Variants in CSMD2 observed in about 807,000 individuals in gnomAD.
CSMD2 encodes CUB and Sushi multiple domains 2, also known as CUB and sushi domain-containing protein 2.
CSMD2 carries 130 observed loss-of-function variants against 398.5 expected under a neutral mutation model. The ratio of observed to expected loss-of-function variants is 0.33; its 90% confidence interval spans 0.28 to 0.38. The LOEUF is 0.38. Ranked by LOEUF, CSMD2 falls within the 10% of genes least tolerant of loss-of-function variation. The pLI is 1.00. For synonymous variants in CSMD2, 1,828 were observed against 1,908.5 expected, an observed-to-expected ratio of 0.96 and a Z score of 1.10; for missense variants, 3,829 against 4,764.9, an observed-to-expected ratio of 0.80 and a Z score of 5.78.
At chr1:33,578,308 G>T (rs954129572) in intron 48 of CSMD2, among the ~76,000 whole-genome samples, 2 of 152,098 alleles carry the variant, frequency 1.3e-5, no homozygotes. Context: ...ACCCTGGCCT[G>T]GGCTCACGCC....
intron 3 of CSMD2, among the ~76,000 whole-genome samples, chr1:33,983,010 C>G (rs1230255924): frequency 2.0e-5 from 3 of 152,094 alleles, no homozygotes; most frequent in Non-Finnish European, 4.4e-5. Flanking sequence ...AGGGTGTGAG[C>G]AGAGACCTGC....
At chr1:33,774,818 G>A (rs950526339) in intron 12 of CSMD2, among the ~76,000 whole-genome samples, 4 of 152,078 alleles carry the variant, frequency 2.6e-5, no homozygotes, top group East Asian at 3.9e-4. Context: ...ACAGCCCTGC[G>A]CACATGCCCA....
intron 56 of CSMD2, among the ~76,000 whole-genome samples, chr1:33,549,399 A>G (rs937514283): frequency 6.6e-6 from 1 of 152,248 alleles, no homozygotes; most frequent in Admixed American, 6.5e-5. Flanking sequence ...TCCCCCTCAA[A>G]GAAGACAAAG....
chr1:33,583,661 A>T lies in CSMD2; in HGVS notation c.7221T>A (p.Asp2407Glu). The change falls in exon 47 of 71, where the codon GAT (aspartate) becomes GAA (glutamate). Residue 2407 changes from aspartate to glutamate, a missense_variant. Around this residue, in one of 5 missense-constraint regions of CSMD2, gnomAD observed 723 missense variants for 758.6 expected, o/e 0.95. Transcript: ENST00000373381. Reference sequence around the variant, plus strand: ...ACTTACCATCAAAAATCTCAAACTCATCATATTGCTTCTCGCTGAGGAAGT... The same window carrying T: ...ACTTACCATCAAAAATCTCAAACTCTTCATATTGCTTCTCGCTGAGGAAGT... ...VEYFLSEKQYDEFEIFDGPSG... is the reference protein window; with the variant it reads ...VEYFLSEKQYEEFEIFDGPSG... 6.2e-7 allele frequency: 1 copy of T among 1,614,050 alleles called. No individual in the cohort carries two copies. The highest frequency in any genetic ancestry group is 8.5e-7 in the Non-Finnish European group (1 of 1,179,986).
At chr1:34,114,666 C>T (rs1661434500) in intron 1 of CSMD2, among the ~76,000 whole-genome samples, 1 of 152,062 alleles carries the variant, frequency 6.6e-6, no homozygotes, top group Non-Finnish European at 1.5e-5. Context: ...CCACTCCATT[C>T]CAGCCTGGGA....
chr1:33,746,435 G>A (rs1367277115), intron 13 of CSMD2, among the ~76,000 whole-genome samples: 1 of 152,100 alleles, frequency 6.6e-6, no homozygotes, highest in Admixed American at 6.6e-5. Flanking sequence ...TGCTGCAGAG[G>A]ACTATTTAAT....
At chr1:33,540,459 C>G (rs765545578) in intron 60 of CSMD2, 66 bp downstream of exon 60, 33 of 1,561,970 alleles carry the variant, frequency 2.1e-5, no homozygotes, top group Non-Finnish European at 2.7e-5. Flanking sequence ...AGCCACAAAG[C>G]TCCGAGGAGG....
chr1:33,838,761 G>C (rs1570214427), intron 6 of CSMD2: 2 of 152,434 alleles, frequency 1.3e-5, no homozygotes, highest in East Asian at 3.9e-4. Context: ...TGTGTCTGTT[G>C]CGGGTCAATT....
Position 33,563,683 on chromosome 1 carries a change from G to C in CSMD2, c.8380+3910C>G, listed in dbSNP as rs79757493. ...ATGTCTCATCTGAATTTTGAACCCA[G>C]CTTCTCTGATTCCAGGCCATCTTAA... On this transcript the variant is annotated intron_variant, in intron 53 of 70. Coordinates refer to ENST00000373381, the MANE Select transcript of CSMD2 (RefSeq NM_001281956.2). Among the ~76,000 whole-genome samples the C allele has an allele frequency of 8.5e-3, 1,295 of 152,136 alleles. 21 individuals are homozygous for C. Among genetic ancestry groups the C allele is most frequent in the African/African-American group, 0.029 (1,207 of 41,420 alleles).
intron 25 of CSMD2, among the ~76,000 whole-genome samples, chr1:33,688,407 G>A (rs1645125752): frequency 6.6e-6 from 1 of 152,210 alleles, no homozygotes; most frequent in South Asian, 2.1e-4. Context: ...AAAAGAATAA[G>A]TAGAGCAGAC....
intron 3 of CSMD2, among the ~76,000 whole-genome samples, chr1:33,976,974 G>A (rs1024732627): frequency 4.6e-5 from 7 of 152,072 alleles, no homozygotes; most frequent in Non-Finnish European, 8.8e-5. Context: ...ATGGGGGAGG[G>A]TGTAGGGGAA....
intron 13 of CSMD2, among the ~76,000 whole-genome samples, chr1:33,757,227 C>T (rs1649163069): frequency 6.6e-6 from 1 of 152,008 alleles, no homozygotes; most frequent in Non-Finnish European, 1.5e-5. Context: ...TTAATGGGTG[C>T]AGCACACCAG....
At chr1:33,652,214 G>T in intron 28 of CSMD2, 109 bp downstream of exon 28, 1 of 1,134,342 alleles carries the variant, frequency 8.8e-7, no homozygotes, top group Non-Finnish European at 1.3e-6. Context: ...CACCTCCCTG[G>T]AGCTGAGAAC....
At chr1:33,832,076 C>T (rs1247361578) in intron 6 of CSMD2, among the ~76,000 whole-genome samples, 8 of 143,022 alleles carry the variant, frequency 5.6e-5, no homozygotes, top group Non-Finnish European at 1.2e-4. Flanking sequence ...GACTTTAACA[C>T]CCCACTGTCA....
In CSMD2 at chr1:33,724,352, G is replaced by A. The variant is rs1232772020; in HGVS notation, c.2885-39C>T. ...GAAGAGGGCAGTGAAAGACCAGAGG[G>A]CCTCAGGGAGCACCCCCGTCATCCT... On this transcript the variant is annotated intron_variant, in intron 18 of 70. Transcript: ENST00000373381. The A allele has an allele frequency of 2.6e-6, 4 of 1,533,750 alleles. No homozygotes were observed. The African/African-American group carries it at 5.5e-5, about 21-fold the overall frequency.
At chr1:33,920,316 GTCAGGAGT>G (rs1192339867) in intron 4 of CSMD2, among the ~76,000 whole-genome samples, 1 of 151,026 alleles carries the variant, frequency 6.6e-6, no homozygotes, top group Non-Finnish European at 1.5e-5. Flanking sequence ...ATCAACTGAG[GTCAGGAGT>G]TCAATACCAG....
At chr1:33,714,850 GCAA>G in intron 20 of CSMD2, 75 bp from the exon 21 acceptor site, 1 of 1,439,802 alleles carries the variant, frequency 6.9e-7, no homozygotes, top group South Asian at 1.2e-5. Flanking sequence ...GAACGCACAG[GCAA>G]AACACCAGGG....
intron 10 of CSMD2, among the ~76,000 whole-genome samples, chr1:33,793,968 T>A (rs1288864667): frequency 6.6e-6 from 1 of 152,216 alleles, no homozygotes; most frequent in Non-Finnish European, 1.5e-5. Context: ...TCAGTCTGGT[T>A]TCAATCTGAT....
intron 64 of CSMD2, among the ~76,000 whole-genome samples, chr1:33,530,738 T>A (rs946278837): frequency 6.6e-6 from 1 of 152,106 alleles, no homozygotes; most frequent in African/African-American, 2.4e-5. Context: ...ATGGAATATA[T>A]ACACAATGGA....
Sources: allele counts gnomAD v4.1 joint callset (sites outside exome capture counted in the v4.1 genomes callset), GRCh38; gene constraint gnomAD v4.1.1; regional missense constraint gnomAD v4.1.1; transcripts MANE v1.5; gene names NCBI Gene and HGNC (gene_info 2026-07-23, HGNC 2026-07-21).